C22orf31: variants seen among roughly 807,000 people sequenced by gnomAD.
C22orf31 encodes the protein uncharacterized protein C22orf31.
C22orf31 carries 11 observed loss-of-function variants against 15.0 expected under a neutral mutation model. That is an observed-to-expected ratio of 0.73 (90% confidence interval 0.46 to 1.21). C22orf31 has a LOEUF of 1.21. Among genes scored for constraint, C22orf31 ranks in the 50% most tolerant of loss-of-function variants. The pLI, the probability that C22orf31 is intolerant of heterozygous loss-of-function variation, is 0.00. For synonymous variants in C22orf31, 132 were observed against 133.3 expected (o/e 0.99, Z 0.07); for missense variants, 340 against 347.2 (o/e 0.98, Z 0.17).
chr22:29,071,331 A>G, the C22orf31 span, among the ~76,000 whole-genome samples: 3 of 152,094 alleles, frequency 2.0e-5, no homozygotes, highest in Non-Finnish European at 2.9e-5. Context: ...GGAGAGGGAC[A>G]GAGATCGAGA....
Position 29,060,635 on chromosome 22 carries a change from G to A in C22orf31, c.212C>T (p.Ala71Val), listed in dbSNP as rs1490530322. Residue 71 changes from alanine (A) to valine (V), a missense_variant, in exon 2 of 3, where the codon GCC becomes GTC. By Grantham distance (64) the Ala-to-Val change is moderately conservative. Coordinates refer to ENST00000216071, the MANE Select transcript of C22orf31 (RefSeq NM_015370.2). ...AAGCTTAACCAGGGAGAAGGAACTG[G>A]CAATTAATGGGTTCCTTACAACTTC... ...SWEVVRNPLI[A>V]SSFSLVKLVL... The A allele has an allele frequency of 3.7e-6, 6 of 1,613,916 alleles. No homozygotes were observed. The Admixed American group carries it at 1.0e-4, about 27-fold the overall frequency.
At chr22:29,063,501 G>A (rs1030429818), upstream of C22orf31, among the ~76,000 whole-genome samples, 2 of 152,086 alleles carry the variant, frequency 1.3e-5, no homozygotes, top group South Asian at 2.1e-4. Context: ...GTTCACATGG[G>A]CAGCACTTGA....
the C22orf31 span, among the ~76,000 whole-genome samples, chr22:29,071,383 C>A: frequency 1.3e-5 from 2 of 149,084 alleles, no homozygotes; most frequent in South Asian, 4.2e-4. Flanking sequence ...CCCGGCCCTG[C>A]GAGCAGCCGT....
At chr22:29,059,698 G>GCCT (rs2037362224) in intron 2 of C22orf31, 1 of 629,958 alleles carries the variant, frequency 1.6e-6, no homozygotes, top group Non-Finnish European at 1.9e-6. Context: ...TTCCAATCAG[G>GCCT]CCTTCGTAGG....
chr22:29,069,945 T>C, the C22orf31 span, among the ~76,000 whole-genome samples: 2 of 13,780 alleles, frequency 1.5e-4, no homozygotes, highest in East Asian at 4.2e-3. Flanking sequence ...TTGAAATTCT[T>C]TTTTTTTTTT....
chr22:29,064,618 A>G (rs571460844), upstream of C22orf31, among the ~76,000 whole-genome samples: 2 of 148,930 alleles, frequency 1.3e-5, no homozygotes, highest in Admixed American at 1.4e-4. Flanking sequence ...GGCTCAAGCA[A>G]TCCTCCCACT....
chr22:29,071,450 G>A, the C22orf31 span, among the ~76,000 whole-genome samples: 2 of 150,872 alleles, frequency 1.3e-5, no homozygotes, highest in African/African-American at 4.9e-5. Context: ...AGGGGGTGGC[G>A]CCCGGGGGTT....
the C22orf31 span, chr22:29,073,292 G>T: frequency 4.2e-6 from 3 of 711,962 alleles, no homozygotes; most frequent in Non-Finnish European, 5.6e-6. The surrounding 1 kb of genome is among the most constrained non-coding windows in gnomAD (Gnocchi z 4.4). Flanking sequence ...GACAAGGGCC[G>T]GCCGGCCTGA....
In C22orf31 at chr22:29,060,021, C is replaced by CTTTTTTTTTTT. The variant is rs60208241; in HGVS notation, c.432+383_432+393dup. ...CTTGGTATAGATCTTTTTTTCTTTT[C>CTTTTTTTTTTT]TTTTTTTTTTTTTTTTTTTTTTATT... On this transcript the variant is annotated intron_variant, in intron 2 of 2. Coordinates refer to ENST00000216071, the MANE Select transcript of C22orf31 (RefSeq NM_015370.2). 1.5e-4 allele frequency: 80 copies of CTTTTTTTTTTT among 541,652 alleles called. 2 individuals are homozygous for CTTTTTTTTTTT. Among genetic ancestry groups the CTTTTTTTTTTT allele is most frequent in the African/African-American group, 6.0e-4 (23 of 38,298 alleles). 33.6% of individuals were successfully genotyped at this position (541,652 alleles called of 1,614,324 possible). A position where few individuals can be genotyped will look rare whatever the true frequency, so the allele number is the denominator to read the frequency against.
At chr22:29,070,813 T>A in the C22orf31 span, among the ~76,000 whole-genome samples, 1 of 152,198 alleles carries the variant, frequency 6.6e-6, no homozygotes, top group Non-Finnish European at 1.5e-5. Context: ...ATAATTTTCT[T>A]GTCTTTGCAG....
At chr22:29,061,864 T>C (rs768787744), upstream of C22orf31, 53 of 1,243,820 alleles carry the variant, frequency 4.3e-5, no homozygotes, top group East Asian at 7.0e-5. Flanking sequence ...TCTTTCCTTT[T>C]TCTCTCTCTC....
chr22:29,064,911 T>C (rs1054335835), upstream of C22orf31, among the ~76,000 whole-genome samples: 7 of 151,954 alleles, frequency 4.6e-5, no homozygotes, highest in Non-Finnish European at 8.8e-5. Flanking sequence ...TGAAGTGCAA[T>C]GGCACATTCT....
chr22:29,060,324 G>A lies in C22orf31; in HGVS notation c.432+91C>T, dbSNP rs188215602. The A allele has an allele frequency of 3.4e-5, 40 of 1,193,756 alleles. No individual in the cohort carries two copies. The highest frequency in any genetic ancestry group is 4.3e-5 in the Non-Finnish European group (36 of 840,794). The allele number at this position is 1,193,756 out of a possible 1,614,324, so 73.9% of individuals were successfully genotyped here. Reference sequence around the variant, plus strand: ...CTGAGATTATAGGCGGTAGCCGCACGCCATATAATCTCAACCGTTAAGTGT... The same window carrying A: ...CTGAGATTATAGGCGGTAGCCGCACACCATATAATCTCAACCGTTAAGTGT... On this transcript the variant is annotated intron_variant, in intron 2 of 2. Transcript: ENST00000216071.
upstream of C22orf31, among the ~76,000 whole-genome samples, chr22:29,064,797 G>A (rs777877051): frequency 6.3e-5 from 9 of 142,326 alleles, no homozygotes; most frequent in East Asian, 2.2e-4. Context: ...TTGGCCTCCC[G>A]AAGTGCTGGG....
At chr22:29,060,121 T>G in intron 2 of C22orf31, 1 of 332,356 alleles carries the variant, frequency 3.0e-6, no homozygotes, top group Non-Finnish European at 4.2e-6. Flanking sequence ...AGCCTCAACC[T>G]CCTGGGTTCA....
At chr22:29,059,652 A>T (rs1197282631) in intron 2 of C22orf31, 2 of 979,312 alleles carry the variant, frequency 2.0e-6, no homozygotes, top group African/African-American at 3.5e-5. Context: ...TTGAACCCTG[A>T]TGGCCTGCTG....
Position 29,058,874 on chromosome 22 carries a change from G to A in C22orf31, c.741C>T (p.Leu247=). 6.2e-7 allele frequency: 1 copy of A among 1,614,168 alleles called. No homozygotes were observed. ...LELGKAIKQK[L]WEALCSQGAI... ...CACCCTGACTGCAAAGAGCCTCCCA[G>A]AGCTTTTGTTTAATGGCCTTGCCCA... Residue 247 remains leucine, a synonymous_variant, in exon 3 of 3, where the codon CTC becomes CTT. Coordinates refer to ENST00000216071, the MANE Select transcript of C22orf31 (RefSeq NM_015370.2).
At chr22:29,059,223 AG>A in intron 2 of C22orf31, 41 bp from the exon 3 acceptor site, 1 of 1,408,684 alleles carries the variant, frequency 7.1e-7, no homozygotes, top group South Asian at 1.3e-5. Context: ...CTAAAACTTG[AG>A]AGGGGAGCTC....
chr22:29,071,622 C>T, the C22orf31 span, among the ~76,000 whole-genome samples: 1 of 151,984 alleles, frequency 6.6e-6, no homozygotes, highest in Admixed American at 6.5e-5. Flanking sequence ...GCCCGGCGCG[C>T]CGCCTGGACC....
Sources: gnomAD v4.1 joint callset for allele counts (sites outside exome capture counted in the v4.1 genomes callset) on GRCh38, gnomAD v4.1.1 for gene constraint, Gnocchi (gnomAD v3.1) non-coding constraint, MANE v1.5 for transcripts, NCBI Gene and HGNC (gene_info 2026-07-23, HGNC 2026-07-21) for gene names.